The following CNTLN variants were observed in gnomAD, a reference collection of about 807,000 sequenced individuals.
The protein encoded by CNTLN is centlein, centrosomal protein.
Under a neutral mutation model 180.0 loss-of-function variants are expected in CNTLN, and 212 were observed. That is an observed-to-expected ratio of 1.18 (90% CI 1.05 to 1.32). The LOEUF is 1.32. Among genes scored for constraint, CNTLN ranks in the 40% most tolerant of loss-of-function variants. CNTLN has a pLI of 0.00. For missense variants in CNTLN, 2,095 were observed against 1,610.9 expected (o/e 1.30, Z -5.14); for synonymous variants, 722 against 563.1 (o/e 1.28, Z -3.99).
At chr9:17,298,735 T>A in intron 7 of CNTLN, 1 of 989,464 alleles carries the variant, frequency 1.0e-6, no homozygotes, top group Non-Finnish European at 1.2e-6. Context: ...AATTTGTACA[T>A]TATTTTTCGG....
intron 2 of CNTLN, among the ~76,000 whole-genome samples, chr9:17,168,927 G>A (rs778554278): frequency 7.9e-5 from 12 of 152,088 alleles, no homozygotes; most frequent in Admixed American, 3.9e-4. Flanking sequence ...TACAGGGGCA[G>A]GAGTTATGGA....
intron 2 of CNTLN, among the ~76,000 whole-genome samples, chr9:17,152,633 T>G (rs932595093): frequency 6.6e-6 from 1 of 152,206 alleles, no homozygotes; most frequent in Non-Finnish European, 1.5e-5. Context: ...GAATGTATAT[T>G]CTGTTGATTT....
intron 21 of CNTLN, among the ~76,000 whole-genome samples, chr9:17,465,505 C>G (rs973736332): frequency 2.0e-5 from 3 of 149,680 alleles, no homozygotes; most frequent in Admixed American, 6.7e-5. Context: ...TTCTGTTATG[C>G]TTTGAGTTAC....
At chr9:17,207,309 T>A (rs1655765405) in intron 2 of CNTLN, among the ~76,000 whole-genome samples, 1 of 152,216 alleles carries the variant, frequency 6.6e-6, no homozygotes, top group African/African-American at 2.4e-5. Flanking sequence ...GTGTGTGCCT[T>A]TTCTTCTTCC....
intron 15 of CNTLN, among the ~76,000 whole-genome samples, chr9:17,400,206 C>G (rs1826861666): frequency 6.6e-6 from 1 of 152,060 alleles, no homozygotes; most frequent in African/African-American, 2.4e-5. Context: ...GGCGTGGTCT[C>G]GGCTCACTGC....
At chr9:17,440,113 T>C (rs1830016253) in intron 18 of CNTLN, among the ~76,000 whole-genome samples, 1 of 152,174 alleles carries the variant, frequency 6.6e-6, no homozygotes, top group South Asian at 2.1e-4. Context: ...TTGACAAACA[T>C]TAACAAGTGT....
chr9:17,375,422 C>T (rs970525641), intron 13 of CNTLN, among the ~76,000 whole-genome samples: 1 of 152,110 alleles, frequency 6.6e-6, no homozygotes, highest in Non-Finnish European at 1.5e-5. Context: ...AAGTTAAGTG[C>T]TTGAGGTGAT....
intron 2 of CNTLN, among the ~76,000 whole-genome samples, chr9:17,202,646 G>GTTTTTTTTTTTTTTTTTTTTTTTTTTT (rs57960408): frequency 1.4e-4 from 10 of 71,470 alleles, no homozygotes; most frequent in South Asian, 6.0e-4. Context: ...TGCAACCTCT[G>GTTTTTTTTTTTTTTTTTTTTTTTTTTT]TTTTTTTTTT....
chr9:17,166,670 G>C (rs1820090759), intron 2 of CNTLN: 1 of 257,302 alleles, frequency 3.9e-6, no homozygotes, highest in Admixed American at 5.8e-5. Context: ...GAAGCTGGAA[G>C]ACATGGAGCA....
Position 17,291,648 on chromosome 9 carries a change from C to T in CNTLN, c.984-6542C>T, listed in dbSNP as rs140592260. On this transcript the variant is annotated intron_variant, in intron 6 of 25. Transcript: ENST00000380647. ...GCAGCCCCTGCTTTTTTCTGCTTTC[C>T]ATTTGCTTGGTATATTTTCCTCCAT... 3.3e-3 allele frequency among the ~76,000 whole-genome samples: 496 copies of T among 152,104 alleles called. 3 individuals are homozygous for T. Among genetic ancestry groups the T allele is most frequent in the Middle Eastern group, 6.8e-3 (2 of 294 alleles).
intron 14 of CNTLN, among the ~76,000 whole-genome samples, chr9:17,392,040 C>T (rs1826153346): frequency 6.6e-6 from 1 of 152,030 alleles, no homozygotes; most frequent in African/African-American, 2.4e-5. Context: ...TTTGTATCAC[C>T]AAAGTCACTG....
chr9:17,447,018 T>G (rs149983359), intron 18 of CNTLN: 1 of 153,320 alleles, frequency 6.5e-6, no homozygotes, highest in African/African-American at 2.4e-5. Context: ...CTTTAAAATT[T>G]ATGAATGCGG....
intron 5 of CNTLN, among the ~76,000 whole-genome samples, chr9:17,256,744 T>C (rs1450661730): frequency 1.3e-5 from 2 of 151,940 alleles, no homozygotes; most frequent in African/African-American, 4.8e-5. Flanking sequence ...AAAGTTACTT[T>C]TCTTGTACAA....
intron 18 of CNTLN, among the ~76,000 whole-genome samples, chr9:17,434,938 A>G (rs780527956): frequency 2.0e-5 from 3 of 152,126 alleles, no homozygotes; most frequent in Non-Finnish European, 2.9e-5. Context: ...GCATATCCCT[A>G]TAAGTAATGC....
chr9:17,215,904 C>T (rs949618387), intron 2 of CNTLN, among the ~76,000 whole-genome samples: 11 of 152,202 alleles, frequency 7.2e-5, no homozygotes, highest in African/African-American at 2.2e-4. Flanking sequence ...GTTGGAAAAG[C>T]GCAGTATTAG....
rs568057319 is a variant in CNTLN at position 17,446,362 on chromosome 9, A to G, written c.3115-11162A>G. On this transcript the variant is annotated intron_variant, in intron 18 of 25. Coordinates refer to ENST00000380647, the MANE Select transcript of CNTLN (RefSeq NM_017738.4). The stretch of plus-strand genomic sequence containing the variant: ...CATGAAAATATTTCCGTTTTTAAGT[A>G]TTAAGATGTAATTCATATTTAGGAT... Among the ~76,000 whole-genome samples the G allele has an allele frequency of 5.9e-5, 9 of 152,278 alleles. No individual in the cohort carries two copies. In the South Asian group the frequency reaches 1.4e-3, roughly 25 times the overall value.
At chr9:17,171,903 A>AGTAGC (rs1182417731) in intron 2 of CNTLN, among the ~76,000 whole-genome samples, 6 of 152,150 alleles carry the variant, frequency 3.9e-5, no homozygotes, top group Non-Finnish European at 7.3e-5. Flanking sequence ...AGCACATTAG[A>AGTAGC]GTAGCCATGG....
At chr9:17,190,582 G>A (rs964776789) in intron 2 of CNTLN, among the ~76,000 whole-genome samples, 1 of 152,086 alleles carries the variant, frequency 6.6e-6, no homozygotes, top group Admixed American at 6.5e-5. Flanking sequence ...TCCTAATGAA[G>A]TTGATTGACA....
At chr9:17,342,527 A>T in intron 12 of CNTLN, 83 bp downstream of exon 12, 1 of 1,223,458 alleles carries the variant, frequency 8.2e-7, no homozygotes, top group Non-Finnish European at 1.1e-6. Context: ...TTAAAGAAAC[A>T]CTTTATAAAA....
Sources: allele counts gnomAD v4.1 joint callset (sites outside exome capture counted in the v4.1 genomes callset), GRCh38; gene constraint gnomAD v4.1.1; transcripts MANE v1.5; gene names NCBI Gene and HGNC (gene_info 2026-07-23, HGNC 2026-07-21).